The following STPG1 variants were observed in gnomAD, a reference collection of about 807,000 sequenced individuals.
STPG1 encodes the protein sperm tail PG-rich repeat containing 1, also known as O(6)-methylguanine-induced apoptosis 2.
Under a neutral mutation model 40.1 loss-of-function variants are expected in STPG1, and 33 were observed. The ratio of observed to expected loss-of-function variants is 0.82; its 90% CI spans 0.62 to 1.10. STPG1 has a LOEUF of 1.10. STPG1 is among the 50% of genes least tolerant of loss of function. The pLI is 0.00. For synonymous variants in STPG1, 150 were observed against 155.0 expected (o/e 0.97, Z 0.24); for missense variants, 396 against 415.1 (o/e 0.95, Z 0.40).
intron 7 of STPG1, among the ~76,000 whole-genome samples, chr1:24,366,960 C>T (rs993514904): frequency 6.6e-6 from 1 of 152,168 alleles, no homozygotes; most frequent in Non-Finnish European, 1.5e-5. Context: ...CAGAGGGTTA[C>T]GATGCAGTGC....
intron 2 of STPG1, among the ~76,000 whole-genome samples, chr1:24,400,260 C>T (rs539645016): frequency 7.9e-5 from 12 of 152,250 alleles, no homozygotes; most frequent in Middle Eastern, 3.4e-3. Context: ...GAGAAAAGAG[C>T]TCATATTGTA....
At chr1:24,365,244 C>A (rs540805407) in intron 7 of STPG1, among the ~76,000 whole-genome samples, 22 of 152,266 alleles carry the variant, frequency 1.4e-4, no homozygotes, top group Non-Finnish European at 3.1e-4. Flanking sequence ...TGTGACAAGA[C>A]AGCGTGTCTG....
chr1:24,373,301 C>T (rs542111379), intron 6 of STPG1, among the ~76,000 whole-genome samples: 35 of 152,162 alleles, frequency 2.3e-4, no homozygotes, highest in Non-Finnish European at 4.7e-4. Flanking sequence ...AGAAAATGAA[C>T]GTGGCAGCTC....
intron 4 of STPG1, among the ~76,000 whole-genome samples, chr1:24,383,247 T>G (rs1040012529): frequency 2.6e-5 from 4 of 152,224 alleles, no homozygotes; most frequent in Non-Finnish European, 5.9e-5. Context: ...AGCCTTACCC[T>G]AGTTTGTATC....
At chr1:24,364,268 GGAACATGGGTTTTGGA>G (rs768127778) in intron 7 of STPG1, 3 of 1,549,052 alleles carry the variant, frequency 1.9e-6, no homozygotes, top group East Asian at 4.9e-5. Context: ...ACTCAAGTGA[GGAACATGGGTTTTGGA>G]GATGGATTTT....
chr1:24,376,179 C>T (rs1642015481), intron 5 of STPG1, among the ~76,000 whole-genome samples: 1 of 152,142 alleles, frequency 6.6e-6, no homozygotes, highest in African/African-American at 2.4e-5. Context: ...TGCCACCATG[C>T]CTGGCTTATT....
chr1:24,401,556 T>G, intron 1 of STPG1, 100 bp from the exon 2 acceptor site: 1 of 641,722 alleles, frequency 1.6e-6, no homozygotes, highest in Non-Finnish European at 2.8e-6. Context: ...AGAAATGGTG[T>G]GGGTGCCGGC....
chr1:24,412,792 CT>C (rs1450855455), intron 1 of STPG1, among the ~76,000 whole-genome samples: 2 of 152,138 alleles, frequency 1.3e-5, no homozygotes, highest in Non-Finnish European at 2.9e-5. Flanking sequence ...AGGTAGACAC[CT>C]TTTAGCAATT....
chr1:24,363,393 G>A (rs1055821762), intron 7 of STPG1, among the ~76,000 whole-genome samples: 2 of 152,152 alleles, frequency 1.3e-5, no homozygotes, highest in Admixed American at 6.5e-5. Flanking sequence ...ACTAAGACAC[G>A]GACTTGAGTG....
intron 6 of STPG1, among the ~76,000 whole-genome samples, chr1:24,370,461 C>T (rs1557437123): frequency 1.3e-5 from 2 of 151,740 alleles, no homozygotes; most frequent in Non-Finnish European, 2.9e-5. Flanking sequence ...GCTGAGACTA[C>T]AGGTATGTAC....
intron 1 of STPG1, among the ~76,000 whole-genome samples, chr1:24,403,671 T>C (rs1338640255): frequency 6.6e-6 from 1 of 152,150 alleles, no homozygotes; most frequent in African/African-American, 2.4e-5. Context: ...AAATATTGCA[T>C]ATATTTTCTT....
intron 7 of STPG1, among the ~76,000 whole-genome samples, chr1:24,365,636 G>A (rs1225117511): frequency 6.6e-6 from 1 of 152,196 alleles, no homozygotes; most frequent in Non-Finnish European, 1.5e-5. Context: ...CCGCCCTGCG[G>A]GGCCACACTA....
At chr1:24,369,287 G>A in intron 7 of STPG1, 1 of 460,012 alleles carries the variant, frequency 2.2e-6, no homozygotes, top group Non-Finnish European at 4.4e-6. Context: ...AGCACCAGGG[G>A]AATCCAGCAT....
rs151010545 is a variant in STPG1 at position 24,391,443 on chromosome 1, TG to T, written c.189+117del. On this transcript the variant is annotated intron_variant, in intron 3 of 8. Coordinates refer to ENST00000337248, the MANE Select transcript of STPG1 (RefSeq NM_001199013.2). Reference sequence around the variant, plus strand: ...TCAGTGGAGCTGGTGCCGCGGCTCCTGGGAGCACACTGCCCTCCACTGTCCA... The same window carrying T: ...TCAGTGGAGCTGGTGCCGCGGCTCCTGGAGCACACTGCCCTCCACTGTCCA... The T allele has an allele frequency of 6.9e-3, 4,205 of 612,634 alleles. 165 individuals carry two copies. The African/African-American group carries it at 0.071, about 10-fold the overall frequency. 37.9% of individuals were successfully genotyped at this position (612,634 alleles called of 1,614,324 possible).
intron 2 of STPG1, 44 bp downstream of exon 2, chr1:24,401,275 A>G (rs1643216140): frequency 3.8e-6 from 6 of 1,584,620 alleles, no homozygotes; most frequent in Non-Finnish European, 5.2e-6. Context: ...TACTAAAATA[A>G]GCATATGTCA....
Position 24,358,075 on chromosome 1 carries a change from G to A in STPG1, c.*468C>T. On this transcript the variant is annotated 3_prime_UTR_variant, in exon 9 of 9. Coordinates refer to ENST00000337248, the MANE Select transcript of STPG1 (RefSeq NM_001199013.2). The stretch of plus-strand genomic sequence containing the variant: ...ACCGTAAGTGAGTGAGGTCAGAAAG[G>A]GACAAATGAGAAAGGCAGGAGTGAG... The A allele has an allele frequency of 2.6e-6, 1 of 388,154 alleles. No individual in the cohort carries two copies. Among genetic ancestry groups the A allele is most frequent in the Non-Finnish European group, 5.2e-6 (1 of 191,914 alleles). The allele number at this position is 388,154 out of a possible 1,614,324, so 24.0% of individuals were successfully genotyped here.
chr1:24,360,343 G>A (rs1353526486), intron 8 of STPG1, among the ~76,000 whole-genome samples: 1 of 152,178 alleles, frequency 6.6e-6, no homozygotes, highest in Non-Finnish European at 1.5e-5. Context: ...CAGCTACTTG[G>A]GAGGCTGAGG....
rs1173546312 is a variant in STPG1 at position 24,413,419 on chromosome 1, G to A, written c.-69+255C>T. ...GGTCGGACGCCCACGCCCCTGGCAGGAGCTCGGTGGAGCAGGCAAGCCCCA... is the reference window on the plus strand; with the variant it reads ...GGTCGGACGCCCACGCCCCTGGCAGAAGCTCGGTGGAGCAGGCAAGCCCCA... On this transcript the variant is annotated intron_variant, in intron 1 of 8. Transcript: ENST00000337248. Among the ~76,000 whole-genome samples the A allele has an allele frequency of 2.0e-5, 3 of 152,250 alleles. No homozygotes were observed. In the East Asian group the frequency reaches 5.8e-4, roughly 29 times the overall value.
In STPG1 at chr1:24,379,670, C is replaced by A; in HGVS notation, c.445G>T (p.Ala149Ser). The A allele has an allele frequency of 6.2e-7, 1 of 1,614,132 alleles. No individual in the cohort carries two copies. The highest frequency in any genetic ancestry group is 8.5e-7 in the Non-Finnish European group (1 of 1,179,998). ...GTTCTTACATTGTAATAGTTTGGTG[C>A]AGGAGTTTCAAACTTGAGAGCTTTC... is the stretch of plus-strand genomic sequence containing the variant. ...FMKALKFETP[A>S]PNYYNASVSC... The change falls in exon 5 of 9, where the codon GCA (alanine) becomes TCA (serine). Residue 149 changes from alanine (A) to serine (S), a missense_variant. Coordinates refer to ENST00000337248, the MANE Select transcript of STPG1 (RefSeq NM_001199013.2).
Sources: gnomAD v4.1 joint callset for allele counts (sites outside exome capture counted in the v4.1 genomes callset) on GRCh38, gnomAD v4.1.1 for gene constraint, MANE v1.5 for transcripts, NCBI Gene and HGNC (gene_info 2026-07-23, HGNC 2026-07-21) for gene names.